Variants in FSIP1 observed in about 807,000 individuals in gnomAD.
The protein encoded by FSIP1 is fibrous sheath interacting protein 1.
In FSIP1, 65 loss-of-function variants were observed where a neutral mutation model predicts 60.9. The ratio of observed to expected loss-of-function variants is 1.07; its 90% confidence interval spans 0.87 to 1.31. FSIP1 has a LOEUF of 1.31. Ranked by LOEUF, FSIP1 falls within the 40% of genes most tolerant of loss-of-function variation. The pLI is 0.00. For missense variants in FSIP1, 675 were observed against 665.5 expected, an observed-to-expected ratio of 1.01 and a Z score of -0.16; for synonymous variants, 209 against 221.2, an observed-to-expected ratio of 0.94 and a Z score of 0.49.
At chr15:39,721,600 A>G (rs975301928) in intron 9 of FSIP1, among the ~76,000 whole-genome samples, 1 of 152,206 alleles carries the variant, frequency 6.6e-6, no homozygotes, top group African/African-American at 2.4e-5. Context: ...AGTGTCTCCT[A>G]TGAAATAAGC....
Position 39,617,739 on chromosome 15 carries a change from T to C in FSIP1, c.1695A>G (p.Ile565Met), listed in dbSNP as rs761249507. The C allele has an allele frequency of 6.2e-7, 1 of 1,609,088 alleles. No individual in the cohort carries two copies. The highest frequency in any genetic ancestry group is 2.2e-5 in the East Asian group (1 of 44,788). ...HLKLSSPENT[I>M]ADEQETKDAA... Reference sequence around the variant, plus strand: ...CACATGTTCGCCAAGCCTCACCTGCTATTGTATTCTCTGGAGAACTGAGTT... The same window carrying C: ...CACATGTTCGCCAAGCCTCACCTGCCATTGTATTCTCTGGAGAACTGAGTT... The change falls in exon 11 of 12, where the codon ATA (isoleucine) becomes ATG (methionine). Residue 565 changes from isoleucine to methionine, a missense_variant. Physicochemically the swap from Ile to Met is conservative, Grantham distance 10 (BLOSUM62 1). Transcript: ENST00000350221.
At chr15:39,733,979 G>A (rs528032005) in intron 8 of FSIP1, among the ~76,000 whole-genome samples, 1 of 152,256 alleles carries the variant, frequency 6.6e-6, no homozygotes, top group South Asian at 2.1e-4. Flanking sequence ...AGAAAAAAGA[G>A]ATGATGGAAA....
chr15:39,771,042 A>G (rs1195666362), intron 2 of FSIP1, among the ~76,000 whole-genome samples: 1 of 152,260 alleles, frequency 6.6e-6, no homozygotes, highest in Non-Finnish European at 1.5e-5. Context: ...TCCTAATCAG[A>G]ACCCTGTGCT....
At chr15:39,632,418 T>C (rs1012481142) in intron 10 of FSIP1, among the ~76,000 whole-genome samples, 1 of 152,142 alleles carries the variant, frequency 6.6e-6, no homozygotes, top group African/African-American at 2.4e-5. Context: ...GCTCAAGCAA[T>C]CCTCCCACCT....
intron 10 of FSIP1, among the ~76,000 whole-genome samples, chr15:39,711,676 C>CTTTTTTTTTTTT (rs66840718): frequency 2.3e-5 from 2 of 85,734 alleles, no homozygotes; most frequent in African/African-American, 5.0e-5. Context: ...ATTCCTACTT[C>CTTTTTTTTTTTT]TTTTTTTTTT....
At position 39,651,351 on chromosome 15, in the gene FSIP1, ATT is replaced by A. The variant is rs1283595490; in HGVS notation, c.1189-33108_1189-33107del. Among the ~76,000 whole-genome samples the A allele has an allele frequency of 3.3e-5, 5 of 152,190 alleles. No individual in the cohort carries two copies. In the East Asian group the frequency reaches 5.8e-4, roughly 18 times the overall value. The stretch of plus-strand genomic sequence containing the variant: ...CAATAAATTTTGTGACATTGATGTG[ATT>A]TTCACACAATGTTTAATGCAAAATG... On this transcript the variant is annotated intron_variant, in intron 10 of 11. Coordinates refer to ENST00000350221, the MANE Select transcript of FSIP1 (RefSeq NM_152597.5).
chr15:39,599,468 C>T (rs1890562639), downstream of FSIP1: 1 of 152,054 alleles, frequency 6.6e-6, no homozygotes, highest in East Asian at 1.9e-4. Flanking sequence ...AATAATTTTA[C>T]TCTGTGTTTC....
At chr15:39,649,729 C>T (rs1044520913) in intron 10 of FSIP1, among the ~76,000 whole-genome samples, 4 of 152,184 alleles carry the variant, frequency 2.6e-5, no homozygotes, top group African/African-American at 4.8e-5. Flanking sequence ...ACCAACAAAG[C>T]GTTCCCTGTC....
rs543748446 is a variant in FSIP1 at position 39,760,534 on chromosome 15, A to G, written c.559+3287T>C. On this transcript the variant is annotated intron_variant, in intron 5 of 11. Transcript: ENST00000350221. ...TTCCAGAGTATGCTTGCCAAAATTC[A>G]TAACTTTCATCTAATCATGAGAAAA... Among the ~76,000 whole-genome samples, 6 of 152,302 alleles carry G rather than the reference A, an allele frequency of 3.9e-5. No individual in the cohort carries two copies. The South Asian group carries it at 6.2e-4, about 16-fold the overall frequency.
intron 5 of FSIP1, among the ~76,000 whole-genome samples, chr15:39,752,783 A>G (rs572547858): frequency 1.1e-3 from 172 of 152,194 alleles, no homozygotes; most frequent in African/African-American, 3.9e-3. Flanking sequence ...GGAAACCTGA[A>G]TATATCAATA....
At chr15:39,651,453 C>T (rs74008651) in intron 10 of FSIP1, among the ~76,000 whole-genome samples, 24,352 of 152,134 alleles carry the variant, frequency 0.16, 2,172 homozygotes, top group African/African-American at 0.2. Flanking sequence ...CTGGTGAAAG[C>T]TCTAATGAAT....
chr15:39,661,776 T>C (rs993075004), intron 10 of FSIP1, among the ~76,000 whole-genome samples: 2 of 152,166 alleles, frequency 1.3e-5, no homozygotes, highest in African/African-American at 4.8e-5. Flanking sequence ...ACATATTAAT[T>C]TTTGGGTCAT....
At position 39,709,986 on chromosome 15, in the gene FSIP1, C is replaced by A. The variant is rs959396070; in HGVS notation, c.1188+3458G>T. Among the ~76,000 whole-genome samples the A allele has an allele frequency of 2.6e-5, 4 of 152,288 alleles. No individual in the cohort carries two copies. In the South Asian group the frequency reaches 8.3e-4, roughly 32 times the overall value. ...ATGTAATTTATTCAAGGTCACAGAG[C>A]AGGCTATTAACAAAACTGAAACAAG... On this transcript the variant is annotated intron_variant, in intron 10 of 11. Transcript: ENST00000350221.
chr15:39,601,262 T>C (rs900931298), intron 11 of FSIP1, among the ~76,000 whole-genome samples: 2 of 152,196 alleles, frequency 1.3e-5, no homozygotes, highest in Non-Finnish European at 2.9e-5. Flanking sequence ...AAAGTAAATG[T>C]TATATGTAGA....
chr15:39,782,536 C>T (rs1898309374), intron 1 of FSIP1, 92 bp downstream of exon 1: 1 of 149,000 alleles, frequency 6.7e-6, no homozygotes, highest in Admixed American at 6.7e-5. Context: ...AGTCCATCTA[C>T]ATGCCAAGCG....
rs1897844734 is a variant in FSIP1 at position 39,770,517 on chromosome 15, C to T, written c.220G>A (p.Glu74Lys). 1.9e-6 allele frequency: 3 copies of T among 1,611,518 alleles called. No individual in the cohort carries two copies. The highest frequency in any genetic ancestry group is 1.7e-5 in the Admixed American group (1 of 59,112). Residue 74 changes from glutamate to lysine, a missense_variant, in exon 3 of 12, where the codon GAA becomes AAA. Transcript: ENST00000350221. ...AATTTTATTTTCTCAGAGCAGCTTT[C>T]CTGCTTATCATCATTACTAGTTCTT... ...NRRTSNDDKQ[E>K]SCSEKIKLAE...
chr15:39,724,911 T>C (rs1396339141), intron 9 of FSIP1, among the ~76,000 whole-genome samples: 1 of 151,934 alleles, frequency 6.6e-6, no homozygotes, highest in Non-Finnish European at 1.5e-5. Flanking sequence ...TTCAGTAACA[T>C]AAATAAACTA....
chr15:39,620,478 G>A (rs1197861760), intron 10 of FSIP1, among the ~76,000 whole-genome samples: 4 of 151,960 alleles, frequency 2.6e-5, no homozygotes, highest in Non-Finnish European at 5.9e-5. Flanking sequence ...ATATCAAGGG[G>A]TAGGGAAGGC....
chr15:39,764,392 GTTTC>G (rs754374704), intron 4 of FSIP1, among the ~76,000 whole-genome samples: 7 of 152,122 alleles, frequency 4.6e-5, no homozygotes, highest in Non-Finnish European at 1.0e-4. Context: ...CATTTTGGAT[GTTTC>G]TTTCTTTCCA....
Sources: allele counts gnomAD v4.1 joint callset (sites outside exome capture counted in the v4.1 genomes callset), GRCh38; gene constraint gnomAD v4.1.1; transcripts MANE v1.5; gene names NCBI Gene and HGNC (gene_info 2026-07-23, HGNC 2026-07-21).